The following ROCK1 variants were observed in gnomAD, a reference collection of about 807,000 sequenced individuals.
The protein encoded by ROCK1 is Rho associated coiled-coil containing protein kinase 1.
A neutral mutation model predicts 196.8 loss-of-function variants in ROCK1; 36 were observed. The ratio of observed to expected loss-of-function variants is 0.18; its 90% CI spans 0.14 to 0.24. The LOEUF (loss-of-function observed/expected upper bound fraction) is 0.24. Ranked by LOEUF, ROCK1 falls within the 10% of genes least tolerant of loss-of-function variation. The probability of loss-of-function intolerance (pLI) is 1.00; values close to 1 mark genes in which losing one functional copy is unlikely to be tolerated. For missense variants in ROCK1, 920 were observed against 1,562.0 expected (o/e 0.59, Z 6.93); for synonymous variants, 443 against 515.9 (o/e 0.86, Z 1.91).
chr18:21,110,999 C>T lies in ROCK1; in HGVS notation c.-89G>A, dbSNP rs2036746561. 1 of 1,113,368 alleles carries T rather than the reference C, an allele frequency of 9.0e-7. No individual in the cohort carries two copies. The highest frequency in any genetic ancestry group is 1.8e-5 in the Admixed American group (1 of 55,712). The allele number at this position is 1,113,368 out of a possible 1,614,324, so 69.0% of individuals were successfully genotyped here. A position where few individuals can be genotyped will look rare whatever the true frequency, so the allele number is the denominator to read the frequency against. Reference sequence around the variant, plus strand: ...TTCCTCCGCGGTGGGTTCGCAGCCGCGGGGCGGAGGAGCCGGAACCTCAGG... The same window carrying T: ...TTCCTCCGCGGTGGGTTCGCAGCCGTGGGGCGGAGGAGCCGGAACCTCAGG... On this transcript the variant is annotated 5_prime_UTR_variant, in exon 1 of 33. Coordinates refer to ENST00000399799, the MANE Select transcript of ROCK1 (RefSeq NM_005406.3).
rs567270264 is a variant in ROCK1, at chr18:21,096,200, C to T, written c.93+14618G>A. Among the ~76,000 whole-genome samples, 8 of 151,540 alleles carry T rather than the reference C, an allele frequency of 5.3e-5. No homozygotes were observed. The South Asian group carries it at 8.3e-4, about 16-fold the overall frequency. On this transcript the variant is annotated intron_variant, in intron 1 of 32. Transcript: ENST00000399799. ...CATTTTTAAAATTATTTTTTGTCTA[C>T]GAATTTTTTTTTTTTTTGAGATGGA... is the stretch of plus-strand genomic sequence containing the variant.
Position 20,947,491 on chromosome 18 carries a change from ATTGAT to A in ROCK1, c.*3888_*3892del, listed in dbSNP as rs1203352301. 2.0e-5 allele frequency: 3 copies of A among 152,058 alleles called. No individual in the cohort carries two copies. The highest frequency in any genetic ancestry group is 7.2e-5 in the African/African-American group (3 of 41,402). 9.4% of individuals were successfully genotyped at this position (152,058 alleles called of 1,614,324 possible). ...ATATATACATACTATCCAACCAGAA[ATTGAT>A]TTGAACAGTAAACATTATAAAAACA... On this transcript the variant is annotated 3_prime_UTR_variant, in exon 33 of 33. Transcript: ENST00000399799.
At chr18:21,006,649 T>G in intron 15 of ROCK1, 50 bp downstream of exon 15, 2 of 1,586,186 alleles carry the variant, frequency 1.3e-6, no homozygotes, top group South Asian at 2.3e-5. Flanking sequence ...TACGATATAA[T>G]TTAATTATCT....
At chr18:20,998,869 A>C (rs147444697) in intron 16 of ROCK1, among the ~76,000 whole-genome samples, 1,788 of 152,184 alleles carry the variant, frequency 0.012, 42 homozygotes, top group African/African-American at 0.041. Context: ...TTGGCCTCTC[A>C]AAGTGCTGGG....
At chr18:21,009,166 C>CTTT (rs59587626) in intron 13 of ROCK1, among the ~76,000 whole-genome samples, 13 of 122,046 alleles carry the variant, frequency 1.1e-4, no homozygotes, top group Non-Finnish European at 1.6e-4. Flanking sequence ...TTGAGACAGG[C>CTTT]TTTTTTTTTT....
At position 21,111,200 on chromosome 18, in the gene ROCK1, G is replaced by A. The variant is rs1314565633; in HGVS notation, c.-290C>T. On this transcript the variant is annotated 5_prime_UTR_variant, in exon 1 of 33. Transcript: ENST00000399799. This position sits in a 1 kb window ranked among gnomAD's most constrained non-coding sequence, Gnocchi z 4.2. ...CGTCGCCACCAGCCTCGTCGCTCCGGCGAGGTGCTTCAGTCTAGCGGGCCC... is the reference window on the plus strand; with the variant it reads ...CGTCGCCACCAGCCTCGTCGCTCCGACGAGGTGCTTCAGTCTAGCGGGCCC... The A allele has an allele frequency of 3.7e-6, 2 of 535,956 alleles. No individual in the cohort carries two copies. The highest frequency in any genetic ancestry group is 2.0e-5 in the African/African-American group (1 of 50,968). The allele number at this position is 535,956 out of a possible 1,614,324, so 33.2% of individuals were successfully genotyped here.
rs571029790 is a variant in ROCK1 at position 20,959,566 on chromosome 18, G to A, written c.3512+274C>T. Among the ~76,000 whole-genome samples the A allele has an allele frequency of 9.5e-3, 1,426 of 150,894 alleles. 6 individuals are homozygous for A. The highest frequency in any genetic ancestry group is 0.034 in the African/African-American group (1,375 of 40,996). ...TGGATATGGAACCCACTGATACACA[G>A]CTGACTATACTTTTTGAAATGCTCT... On this transcript the variant is annotated intron_variant, in intron 29 of 32. Coordinates refer to ENST00000399799, the MANE Select transcript of ROCK1 (RefSeq NM_005406.3).
At chr18:21,004,223 AAAAT>A (rs969579733) in intron 16 of ROCK1, among the ~76,000 whole-genome samples, 96 of 152,334 alleles carry the variant, frequency 6.3e-4, no homozygotes, top group African/African-American at 2.2e-3. Flanking sequence ...TAAAAAGTAA[AAAAT>A]AAAAAAGACT....
At chr18:20,986,323 C>T (rs2035578060) in intron 19 of ROCK1, among the ~76,000 whole-genome samples, 3 of 152,164 alleles carry the variant, frequency 2.0e-5, no homozygotes, top group African/African-American at 7.2e-5. Context: ...ACTTTATTAT[C>T]CATCTCTTTA....
intron 1 of ROCK1, among the ~76,000 whole-genome samples, chr18:21,098,262 A>G (rs2036628263): frequency 1.3e-5 from 2 of 152,242 alleles, no homozygotes; most frequent in South Asian, 4.1e-4. Context: ...ACAGAAGGTT[A>G]GAAATAATCC....
intron 1 of ROCK1, among the ~76,000 whole-genome samples, chr18:21,108,803 T>C (rs1378493033): frequency 6.6e-6 from 1 of 152,218 alleles, no homozygotes; most frequent in Admixed American, 6.5e-5. Flanking sequence ...CTAACCCATC[T>C]TCCACACACC....
intron 21 of ROCK1, among the ~76,000 whole-genome samples, chr18:20,980,397 T>C (rs1387680301): frequency 6.6e-6 from 1 of 152,224 alleles, no homozygotes; most frequent in Non-Finnish European, 1.5e-5. Flanking sequence ...TGACTCCATG[T>C]AGATGAAATT....
At chr18:20,975,107 G>A (rs549633218) in intron 22 of ROCK1, among the ~76,000 whole-genome samples, 5 of 152,200 alleles carry the variant, frequency 3.3e-5, no homozygotes, top group Admixed American at 6.5e-5. Flanking sequence ...TGTTTCTAGC[G>A]GAAAAACAAA....
intron 1 of ROCK1, among the ~76,000 whole-genome samples, chr18:21,089,104 G>A (rs1005612946): frequency 1.3e-5 from 2 of 151,690 alleles, no homozygotes; most frequent in African/African-American, 2.4e-5. Flanking sequence ...AGAGTGCAGC[G>A]GCGCAATCTC....
intron 1 of ROCK1, among the ~76,000 whole-genome samples, chr18:21,074,769 A>T (rs1189722207): frequency 2.0e-5 from 3 of 152,234 alleles, no homozygotes; most frequent in Non-Finnish European, 2.9e-5. Context: ...CAGAGTTCAG[A>T]AGTTAGTTAG....
In ROCK1 at chr18:20,949,138, T is replaced by C. The variant is rs1026062788; in HGVS notation, c.*2246A>G. Reference sequence around the variant, plus strand: ...GTTCTCAACAATTCTAAGTTCAGATTAGTATGTCATTTGGAAAGTCTTCTC... The same window carrying C: ...GTTCTCAACAATTCTAAGTTCAGATCAGTATGTCATTTGGAAAGTCTTCTC... On this transcript the variant is annotated 3_prime_UTR_variant, in exon 33 of 33. Transcript: ENST00000399799. The C allele has an allele frequency of 6.6e-5, 10 of 152,216 alleles. No homozygotes were observed. Among genetic ancestry groups the C allele is most frequent in the African/African-American group, 2.4e-4 (10 of 41,422 alleles). 9.4% of individuals were successfully genotyped at this position (152,216 alleles called of 1,614,324 possible).
rs763914407 is a variant in ROCK1, at chr18:21,006,305, A to G, written c.1885+46T>C. ...ATAAAAATGGTTAAAATGTTATAAT[A>G]AATTTCATGTTACGTATATTTTACC... On this transcript the variant is annotated intron_variant, in intron 16 of 32. Transcript: ENST00000399799. The G allele has an allele frequency of 2.1e-6, 3 of 1,459,674 alleles. No homozygotes were observed. In the African/African-American group the frequency reaches 4.3e-5, roughly 21 times the overall value. The allele number at this position is 1,459,674 out of a possible 1,614,324, so 90.4% of individuals were successfully genotyped here.
At chr18:21,064,500 T>C (rs2036317747) in intron 2 of ROCK1, among the ~76,000 whole-genome samples, 1 of 152,370 alleles carries the variant, frequency 6.6e-6, no homozygotes, top group Admixed American at 6.5e-5. Context: ...TTGTTCTTCA[T>C]GTCTTTAGTA....
intron 1 of ROCK1, among the ~76,000 whole-genome samples, chr18:21,109,698 C>A (rs1433561330): frequency 6.6e-6 from 1 of 152,048 alleles, no homozygotes; most frequent in Non-Finnish European, 1.5e-5. Flanking sequence ...AACCCATACA[C>A]GTGGAAAAAT....
Sources: allele counts gnomAD v4.1 joint callset (sites outside exome capture counted in the v4.1 genomes callset), GRCh38; gene constraint gnomAD v4.1.1; non-coding constraint Gnocchi (gnomAD v3.1); transcripts MANE v1.5; gene names NCBI Gene and HGNC (gene_info 2026-07-23, HGNC 2026-07-21).